Variants in ABCF1 observed in about 807,000 individuals in gnomAD.
The protein encoded by ABCF1 is ATP binding cassette subfamily F member 1.
A neutral mutation model predicts 126.3 loss-of-function variants in ABCF1; 73 were observed. That is an observed-to-expected ratio of 0.58 (90% confidence interval 0.48 to 0.70). The LOEUF (loss-of-function observed/expected upper bound fraction) is 0.70, where lower values mean the gene tolerates loss of function less well. Among genes scored for constraint, ABCF1 ranks in the 30% least tolerant of loss-of-function variants. The pLI is 0.00. For missense variants in ABCF1, 786 were observed against 1,057.5 expected, an observed-to-expected ratio of 0.74 and a Z score of 3.56; for synonymous variants, 345 against 396.4, an observed-to-expected ratio of 0.87 and a Z score of 1.54.
Position 30,584,398 on chromosome 6 carries a change from C to G in ABCF1, c.1243-20C>G, listed in dbSNP as rs572048379. 3 of 1,613,096 alleles carry G rather than the reference C, an allele frequency of 1.9e-6. No individual in the cohort carries two copies. The highest frequency in any genetic ancestry group is 1.1e-5 in the South Asian group (1 of 91,084). ...GTTCCTGGGACCCTCAGACGTGTGT[C>G]CTCTTCTCCCTCCTCCCAGGTGTAT... On this transcript the variant is annotated intron_variant, in intron 13 of 24. Transcript: ENST00000326195. This position sits in a 1 kb window ranked among gnomAD's most constrained non-coding sequence, Gnocchi z 4.6.
In ABCF1 at chr6:30,578,593, C is replaced by T; in HGVS notation, c.489+16C>T. On this transcript the variant is annotated intron_variant, in intron 6 of 24. Coordinates refer to ENST00000326195, the MANE Select transcript of ABCF1 (RefSeq NM_001025091.2). ...GATCAATAAGGTGACAGTGGTGGCT[C>T]GATCAGTCACTCTCACTCCATTTAG... 1 of 1,605,066 alleles carries T rather than the reference C, an allele frequency of 6.2e-7. No homozygotes were observed. The highest frequency in any genetic ancestry group is 8.5e-7 in the Non-Finnish European group (1 of 1,173,034).
In ABCF1 at chr6:30,579,968, A is replaced by G; in HGVS notation, c.527A>G (p.Lys176Arg). The change falls in exon 7 of 25, where the codon AAA (lysine) becomes AGA (arginine). Residue 176 changes from lysine (K) to arginine (R), a missense_variant. This residue lies in a region of ABCF1 where 322 missense variants were observed against 322.9 expected (regional missense o/e 1.00). Coordinates refer to ENST00000326195, the MANE Select transcript of ABCF1 (RefSeq NM_001025091.2). ...GAACAGCAGCCTGCACTCAAGGGCA[A>G]AAAGGGAAAGGAAGAGAAGTCAAAA... Reference protein sequence around the residue: ...SEEQQPALKGKKGKEEKSKGK... With the variant: ...SEEQQPALKGRKGKEEKSKGK... 6.2e-7 allele frequency: 1 copy of G among 1,612,910 alleles called. No individual in the cohort carries two copies. Among genetic ancestry groups the G allele is most frequent in the Non-Finnish European group, 8.5e-7 (1 of 1,179,938 alleles).
chr6:30,586,467 C>T lies in ABCF1; in HGVS notation c.1886-7C>T. The stretch of plus-strand genomic sequence containing the variant: ...GAATATAAATTGCTTCTTTTCGTGG[C>T]TTTCAGGTGTGACATTCGGCTACCA... On this transcript the variant is annotated splice_polypyrimidine_tract_variant and splice_region_variant and intron_variant, in intron 18 of 24. Transcript: ENST00000326195. The surrounding 1 kb of genome is among the most constrained non-coding windows in gnomAD (Gnocchi z 4.9). 6.2e-7 allele frequency: 1 copy of T among 1,613,736 alleles called. No individual in the cohort carries two copies. The highest frequency in any genetic ancestry group is 8.5e-7 in the Non-Finnish European group (1 of 1,180,000).
chr6:30,580,084 C>A, intron 7 of ABCF1, 79 bp downstream of exon 7: 1 of 1,422,298 alleles, frequency 7.0e-7, no homozygotes, highest in Non-Finnish European at 9.7e-7. Context: ...CGGTGGCTCA[C>A]GCCTGTAATC....
chr6:30,579,884 C>G, intron 6 of ABCF1, 47 bp from the exon 7 acceptor site: 1 of 1,579,634 alleles, frequency 6.3e-7, no homozygotes, highest in Non-Finnish European at 8.7e-7. Flanking sequence ...CAAAGTAGCA[C>G]AATAATTTGT....
At position 30,584,008 on chromosome 6, in the gene ABCF1, G is replaced by A. The variant is rs11968929; in HGVS notation, c.1102+118G>A. On this transcript the variant is annotated intron_variant, in intron 12 of 24. Transcript: ENST00000326195. This position sits in a 1 kb window ranked among gnomAD's most constrained non-coding sequence, Gnocchi z 4.6. The stretch of plus-strand genomic sequence containing the variant: ...GTTGGAAGGGATGTGGAGGGAGACT[G>A]GAGACCGGGAAAGGGATGCTAAGGA... 2,735 of 1,415,786 alleles carry A rather than the reference G, an allele frequency of 1.9e-3. 48 individuals carry two copies. In the African/African-American group the frequency reaches 0.033, roughly 17 times the overall value. The allele number at this position is 1,415,786 out of a possible 1,614,324, so 87.7% of individuals were successfully genotyped here.
At chr6:30,580,031 G>T (rs76592329) in intron 7 of ABCF1, 26 bp downstream of exon 7, 1 of 1,607,286 alleles carries the variant, frequency 6.2e-7, no homozygotes, top group East Asian at 2.2e-5. Flanking sequence ...GCAGGAGGAG[G>T]TATTGGGGCC....
rs376093203 is a variant in ABCF1 at position 30,571,549 on chromosome 6, C to T, written c.62C>T (p.Thr21Met). 3.7e-6 allele frequency: 6 copies of T among 1,609,950 alleles called. No homozygotes were observed. Among genetic ancestry groups the T allele is most frequent in the Admixed American group, 1.7e-5 (1 of 59,796 alleles). Residue 21 changes from threonine (T) to methionine (M), a missense_variant, in exon 1 of 25, where the codon ACG becomes ATG. Physicochemically the swap from Thr to Met is moderately conservative, Grantham distance 81 (BLOSUM62 -1). This residue lies in a region of ABCF1 where 322 missense variants were observed against 322.9 expected (regional missense o/e 1.00). Coordinates refer to ENST00000326195, the MANE Select transcript of ABCF1 (RefSeq NM_001025091.2). Reference sequence around the variant, plus strand: ...GAGTGGATCGGGGACGGAGAGAGCACGAGCCCATCAGGTGAGGCTGGTAGG... The same window carrying T: ...GAGTGGATCGGGGACGGAGAGAGCATGAGCCCATCAGGTGAGGCTGGTAGG... ...EPEWIGDGES[T>M]SPSDKVVKKG... is the part of the protein sequence containing the mutation.
rs2127413228 is a variant in ABCF1 at position 30,583,995 on chromosome 6, G to A, written c.1102+105G>A. ...TTGTGGCTATGGAGTTGGAAGGGAT[G>A]TGGAGGGAGACTGGAGACCGGGAAA... is the stretch of plus-strand genomic sequence containing the variant. On this transcript the variant is annotated intron_variant, in intron 12 of 24. Coordinates refer to ENST00000326195, the MANE Select transcript of ABCF1 (RefSeq NM_001025091.2). The surrounding 1 kb of genome is among the most constrained non-coding windows in gnomAD (Gnocchi z 4.1). 1 of 1,460,784 alleles carries A rather than the reference G, an allele frequency of 6.8e-7. No individual in the cohort carries two copies. The highest frequency in any genetic ancestry group is 1.4e-5 in the African/African-American group (1 of 71,578). The allele number at this position is 1,460,784 out of a possible 1,614,324, so 90.5% of individuals were successfully genotyped here.
In ABCF1 at chr6:30,586,345, G is replaced by A. The variant is rs188748372; in HGVS notation, c.1885+40G>A. 978 of 1,599,388 alleles carry A rather than the reference G, an allele frequency of 6.1e-4. 16 individuals carry two copies. The East Asian group carries it at 0.019, about 30-fold the overall frequency. ...CCTCTGCTGCTCCACAGGAAGCACC[G>A]GAAGCATGTATGTGCACCCTAAATT... On this transcript the variant is annotated intron_variant, in intron 18 of 24. Coordinates refer to ENST00000326195, the MANE Select transcript of ABCF1 (RefSeq NM_001025091.2). The surrounding 1 kb of genome is among the most constrained non-coding windows in gnomAD (Gnocchi z 4.9).
chr6:30,576,276 CTTTTTTTTTTTTTTTTT>C (rs9256927), intron 1 of ABCF1, among the ~76,000 whole-genome samples: 48 of 44,162 alleles, frequency 1.1e-3, no homozygotes, highest in Non-Finnish European at 1.5e-3. Flanking sequence ...TCTGAGTGCT[CTTTTTTTTTTTTTTTTT>C]TTTTTTTTTT....
At position 30,586,115 on chromosome 6, in the gene ABCF1, T is replaced by G; in HGVS notation, c.1714-19T>G. Reference sequence around the variant, plus strand: ...GCCGCGCAGGGCTCAGGTTTCTCTTTTTTCCTCTTCCTCTCCAGGAAAAAC... The same window carrying G: ...GCCGCGCAGGGCTCAGGTTTCTCTTGTTTCCTCTTCCTCTCCAGGAAAAAC... On this transcript the variant is annotated intron_variant, in intron 17 of 24. Transcript: ENST00000326195. The surrounding 1 kb of genome is among the most constrained non-coding windows in gnomAD (Gnocchi z 4.9). The G allele has an allele frequency of 6.2e-7, 1 of 1,607,938 alleles. No individual in the cohort carries two copies. The highest frequency in any genetic ancestry group is 8.5e-7 in the Non-Finnish European group (1 of 1,177,938).
rs1018741162 is a variant in ABCF1, at chr6:30,571,516, C to T, written c.29C>T (p.Pro10Leu). ...CCGAAGGCGCCCAAGCAGCAGCCGC[C>T]GGAGCCCGAGTGGATCGGGGACGGA... MPKAPKQQP[P>L]EPEWIGDGES... is the part of the protein sequence containing the mutation. Residue 10 changes from proline to leucine, a missense_variant, in exon 1 of 25, where the codon CCG becomes CTG. Physicochemically the swap from Pro to Leu is moderately conservative, Grantham distance 98 (BLOSUM62 -3). Transcript: ENST00000326195. 5 of 1,611,354 alleles carry T rather than the reference C, an allele frequency of 3.1e-6. 1 individual carries two copies. In the Admixed American group the frequency reaches 6.7e-5, roughly 22 times the overall value.
chr6:30,582,937 C>T (rs1801901265), intron 9 of ABCF1, 129 bp from the exon 10 acceptor site: 2 of 1,251,418 alleles, frequency 1.6e-6, no homozygotes, highest in African/African-American at 1.5e-5. Context: ...AAGAGATCCA[C>T]CTACCTCAGC....
Position 30,586,211 on chromosome 6 carries a change from G to C in ABCF1, c.1791G>C (p.Glu597Asp), listed in dbSNP as rs1430210398. ...RRKNQDEESQ[E>D]APELLKRPKE... ...AAAACCAAGATGAGGAATCCCAGGA[G>C]GCCCCTGAGCTCCTGAAGCGCCCTA... Residue 597 changes from glutamate to aspartate, a missense_variant, in exon 18 of 25, where the codon GAG becomes GAC. This residue lies in a region of ABCF1 where 288 missense variants were observed against 423.5 expected (regional missense o/e 0.68). Coordinates refer to ENST00000326195, the MANE Select transcript of ABCF1 (RefSeq NM_001025091.2). This position sits in a 1 kb window ranked among gnomAD's most constrained non-coding sequence, Gnocchi z 4.9. 6.2e-7 allele frequency: 1 copy of C among 1,614,086 alleles called. No homozygotes were observed. Among genetic ancestry groups the C allele is most frequent in the Non-Finnish European group, 8.5e-7 (1 of 1,179,984 alleles).
chr6:30,590,691 C>T lies in ABCF1; in HGVS notation c.2528C>T (p.Pro843Leu). ...EALGEVMVSR[P>L]RE is the part of the protein sequence containing the mutation. ...CTGGGTGAAGTCATGGTCAGCCGGC[C>T]CCGAGAGTGAGCTTTCCTTCCCAGA... is the stretch of plus-strand genomic sequence containing the variant. The change falls in exon 25 of 25, where the codon CCC (proline) becomes CTC (leucine). Residue 843 changes from proline to leucine, a missense_variant. Physicochemically the swap from Pro to Leu is moderately conservative, Grantham distance 98. Coordinates refer to ENST00000326195, the MANE Select transcript of ABCF1 (RefSeq NM_001025091.2). 1 of 1,538,950 alleles carries T rather than the reference C, an allele frequency of 6.5e-7. No homozygotes were observed. Among genetic ancestry groups the T allele is most frequent in the Non-Finnish European group, 8.7e-7 (1 of 1,150,116 alleles).
At position 30,579,934 on chromosome 6, in the gene ABCF1, G is replaced by T. The variant is rs748444908; in HGVS notation, c.493G>T (p.Val165Leu). ...KPEKNRINKA[V>L]SEEQQPALKG... ...TGTGTATGTGTGTCTCCTCCAGGCC[G>T]TATCTGAGGAACAGCAGCCTGCACT... Residue 165 changes from valine (V) to leucine (L), a missense_variant, in exon 7 of 25, where the codon GTA becomes TTA. By Grantham distance (32) the Val-to-Leu change is conservative. Transcript: ENST00000326195. The T allele has an allele frequency of 3.1e-6, 5 of 1,612,704 alleles. No homozygotes were observed. Among genetic ancestry groups the T allele is most frequent in the Non-Finnish European group, 4.2e-6 (5 of 1,179,844 alleles).
In ABCF1 at chr6:30,577,745, A is replaced by G. The variant is rs1238096901; in HGVS notation, c.121-73A>G. Reference sequence around the variant, plus strand: ...GGTGGAGTGGAGGGCCAGTGGGCCAATGTGTGGCAGAGCACAGCCTGCTTG... The same window carrying G: ...GGTGGAGTGGAGGGCCAGTGGGCCAGTGTGTGGCAGAGCACAGCCTGCTTG... On this transcript the variant is annotated intron_variant, in intron 2 of 24. Coordinates refer to ENST00000326195, the MANE Select transcript of ABCF1 (RefSeq NM_001025091.2). The G allele has an allele frequency of 2.1e-6, 3 of 1,449,160 alleles. No individual in the cohort carries two copies. Among genetic ancestry groups the G allele is most frequent in the East Asian group, 4.5e-5 (2 of 44,094 alleles). 89.8% of individuals were successfully genotyped at this position (1,449,160 alleles called of 1,614,324 possible). A position where few individuals can be genotyped will look rare whatever the true frequency, so the allele number is the denominator to read the frequency against.
chr6:30,575,975 A>C (rs1050662814), intron 1 of ABCF1, among the ~76,000 whole-genome samples: 2 of 151,768 alleles, frequency 1.3e-5, no homozygotes, highest in Non-Finnish European at 2.9e-5. Context: ...TCAGGAGGCT[A>C]AAGTGGGAGG....
Sources: gnomAD v4.1 joint callset for allele counts (sites outside exome capture counted in the v4.1 genomes callset) on GRCh38, gnomAD v4.1.1 for gene constraint, gnomAD v4.1.1 regional missense constraint, Gnocchi (gnomAD v3.1) non-coding constraint, MANE v1.5 for transcripts, NCBI Gene and HGNC (gene_info 2026-07-23, HGNC 2026-07-21) for gene names.